The following RPS6KC1 variants were observed in gnomAD, a reference collection of about 807,000 sequenced individuals.
RPS6KC1 encodes the protein inactive ribosomal protein S6 kinase delta-1.
RPS6KC1 carries 54 observed loss-of-function variants against 103.8 expected under a neutral mutation model. That is an observed-to-expected ratio of 0.52 (90% CI 0.42 to 0.65). RPS6KC1 has a LOEUF of 0.65. RPS6KC1 is among the 30% of genes least tolerant of loss of function. The probability of loss-of-function intolerance (pLI) is 0.00; values close to 1 mark genes in which losing one functional copy is unlikely to be tolerated. For missense variants in RPS6KC1, 1,151 were observed against 1,253.8 expected (o/e 0.92, Z 1.24); for synonymous variants, 439 against 438.7 (o/e 1.00, Z -0.01).
chr1:213,107,788 C>A (rs1489731091), intron 4 of RPS6KC1, among the ~76,000 whole-genome samples: 1 of 152,110 alleles, frequency 6.6e-6, no homozygotes, highest in Non-Finnish European at 1.5e-5. Flanking sequence ...ACAACCTCAC[C>A]AACACTTGGT....
the RPS6KC1 span, among the ~76,000 whole-genome samples, chr1:213,751,917 C>T: frequency 6.6e-6 from 1 of 152,290 alleles, no homozygotes; most frequent in African/African-American, 2.4e-5. Flanking sequence ...GGTCACACCT[C>T]AGACCTAGGT....
the RPS6KC1 span, among the ~76,000 whole-genome samples, chr1:213,790,036 CT>C: frequency 1.3e-5 from 2 of 152,264 alleles, no homozygotes; most frequent in Admixed American, 1.3e-4. Context: ...GGGTTTCTTC[CT>C]TAAGCATCCA....
At chr1:213,480,079 C>T in the RPS6KC1 span, among the ~76,000 whole-genome samples, 12 of 151,926 alleles carry the variant, frequency 7.9e-5, no homozygotes, top group East Asian at 2.1e-3. Flanking sequence ...AAATATCTTA[C>T]TCATTTGTGG....
the RPS6KC1 span, among the ~76,000 whole-genome samples, chr1:213,303,925 G>A: frequency 6.6e-6 from 1 of 151,896 alleles, no homozygotes; most frequent in Non-Finnish European, 1.5e-5. Flanking sequence ...GATGCTTGAG[G>A]CCGGGCGCGG....
the RPS6KC1 span, among the ~76,000 whole-genome samples, chr1:213,597,816 G>A: frequency 2.0e-5 from 3 of 152,168 alleles, no homozygotes; most frequent in Non-Finnish European, 2.9e-5. Flanking sequence ...GATACTCATA[G>A]AACAATGTAG....
At chr1:213,649,286 T>C in the RPS6KC1 span, among the ~76,000 whole-genome samples, 1 of 146,724 alleles carries the variant, frequency 6.8e-6, no homozygotes, top group African/African-American at 2.5e-5. Context: ...TCTCCAACAA[T>C]GTCTCTCCAG....
the RPS6KC1 span, among the ~76,000 whole-genome samples, chr1:213,449,588 A>T: frequency 0.011 from 1,617 of 152,246 alleles, 29 homozygotes; most frequent in African/African-American, 0.037. Flanking sequence ...TAACGGCCAT[A>T]TCTCCAAATA....
chr1:213,766,917 C>T, the RPS6KC1 span, among the ~76,000 whole-genome samples: 6 of 152,302 alleles, frequency 3.9e-5, no homozygotes, highest in East Asian at 9.6e-4. Context: ...CCTCGCCATT[C>T]AACCAGATTC....
At chr1:213,163,604 T>C (rs1471495914) in intron 6 of RPS6KC1, among the ~76,000 whole-genome samples, 2 of 152,200 alleles carry the variant, frequency 1.3e-5, no homozygotes, top group Non-Finnish European at 2.9e-5. Context: ...AAGAGTAGAA[T>C]TGAAAGAACC....
At chr1:213,611,468 A>C in the RPS6KC1 span, among the ~76,000 whole-genome samples, 2 of 152,118 alleles carry the variant, frequency 1.3e-5, no homozygotes, top group African/African-American at 2.4e-5. Context: ...GGACTTGCCA[A>C]CTCACTCTGC....
At chr1:213,080,115 G>A (rs574378794) in intron 3 of RPS6KC1, among the ~76,000 whole-genome samples, 2 of 151,380 alleles carry the variant, frequency 1.3e-5, no homozygotes. Flanking sequence ...ACAGAGTTTC[G>A]CCATGTTGGA....
chr1:213,296,125 T>A, the RPS6KC1 span, among the ~76,000 whole-genome samples: 3 of 152,130 alleles, frequency 2.0e-5, no homozygotes, highest in Admixed American at 1.3e-4. Flanking sequence ...TTGATCAGAG[T>A]GGCCACTGAA....
chr1:213,656,752 T>C, the RPS6KC1 span, among the ~76,000 whole-genome samples: 1 of 152,212 alleles, frequency 6.6e-6, no homozygotes, highest in African/African-American at 2.4e-5. Context: ...TTTTTCTCTT[T>C]GTGCTTTGCC....
chr1:213,295,161 T>C, the RPS6KC1 span, among the ~76,000 whole-genome samples: 3 of 152,274 alleles, frequency 2.0e-5, no homozygotes, highest in Non-Finnish European at 2.9e-5. Context: ...ATGTGGAAGT[T>C]CAGGATGAGG....
chr1:213,479,829 T>TA, the RPS6KC1 span, among the ~76,000 whole-genome samples: 10 of 151,680 alleles, frequency 6.6e-5, no homozygotes, highest in Admixed American at 2.6e-4. Flanking sequence ...ATAGGATCTT[T>TA]AAAAAAAATA....
the RPS6KC1 span, among the ~76,000 whole-genome samples, chr1:213,463,962 T>A: frequency 1.3e-5 from 2 of 152,332 alleles, no homozygotes; most frequent in African/African-American, 4.8e-5. Context: ...GGGAGATGTC[T>A]ACTGAGATAC....
chr1:213,602,130 C>CTTTCTTTCTTTCTTTCTT, the RPS6KC1 span, among the ~76,000 whole-genome samples: 1 of 48,078 alleles, frequency 2.1e-5, no homozygotes, highest in Non-Finnish European at 3.9e-5. Flanking sequence ...CTCTTTCTTT[C>CTTTCTTTCTTTCTTTCTT]TTTCTTTCTT....
At chr1:213,535,112 A>T in the RPS6KC1 span, among the ~76,000 whole-genome samples, 1 of 152,184 alleles carries the variant, frequency 6.6e-6, no homozygotes, top group African/African-American at 2.4e-5. Context: ...CAGGCTCCAT[A>T]TGGAGGTTCA....
chr1:213,778,691 A>G, the RPS6KC1 span, among the ~76,000 whole-genome samples: 11 of 152,240 alleles, frequency 7.2e-5, no homozygotes, highest in South Asian at 1.2e-3. Flanking sequence ...ACAAGCAGGA[A>G]TCAGTGAGAT....
Sources: gnomAD v4.1 joint callset for allele counts (sites outside exome capture counted in the v4.1 genomes callset) on GRCh38, gnomAD v4.1.1 for gene constraint, MANE v1.5 for transcripts, NCBI Gene and HGNC (gene_info 2026-07-23, HGNC 2026-07-21) for gene names.